SCN8A: variants seen among roughly 807,000 people sequenced by gnomAD.
The protein encoded by SCN8A is sodium channel protein type 8 subunit alpha.
A neutral mutation model predicts 184.1 loss-of-function variants in SCN8A; 30 were observed. The observed-to-expected ratio is 0.16, with a 90% CI of 0.12 to 0.22. The LOEUF is 0.22. Ranked by LOEUF, SCN8A falls within the 10% of genes least tolerant of loss-of-function variation. SCN8A has a pLI of 1.00. For synonymous variants in SCN8A, 852 were observed against 907.0 expected, an observed-to-expected ratio of 0.94 and a Z score of 1.09; for missense variants, 1,057 against 2,498.9, an observed-to-expected ratio of 0.42 and a Z score of 12.30.
At chr12:51,796,467 G>A (rs2138923071) in intron 26 of SCN8A, among the ~76,000 whole-genome samples, 1 of 152,330 alleles carries the variant, frequency 6.6e-6, no homozygotes, top group Middle Eastern at 3.4e-3. Context: ...AAAAGAGGAA[G>A]ATGTTTTTGA....
chr12:51,643,288 A>G (rs1361068324), intron 1 of SCN8A, among the ~76,000 whole-genome samples: 1 of 152,160 alleles, frequency 6.6e-6, no homozygotes, highest in Non-Finnish European at 1.5e-5. Context: ...GATCCTAGGA[A>G]TTCCTGTATT....
At chr12:51,792,692 A>C (rs146121027) in intron 25 of SCN8A, among the ~76,000 whole-genome samples, 32 of 152,170 alleles carry the variant, frequency 2.1e-4, no homozygotes, top group Non-Finnish European at 3.8e-4. Flanking sequence ...TTGCAAGCCC[A>C]GTGGGAAGCT....
At chr12:51,624,863 A>C (rs923295414) in intron 1 of SCN8A, among the ~76,000 whole-genome samples, 7 of 152,182 alleles carry the variant, frequency 4.6e-5, no homozygotes, top group African/African-American at 1.4e-4. Context: ...CGTTTATTAA[A>C]TAGGGAATCC....
At chr12:51,775,628 GACAGAA>G (rs1937668451) in intron 20 of SCN8A, among the ~76,000 whole-genome samples, 1 of 152,218 alleles carries the variant, frequency 6.6e-6, no homozygotes, top group Admixed American at 6.5e-5. Context: ...ACCCCCCACA[GACAGAA>G]AGCTGGAGCT....
intron 19 of SCN8A, among the ~76,000 whole-genome samples, chr12:51,773,326 C>G (rs1226743132): frequency 1.3e-5 from 2 of 152,194 alleles, no homozygotes; most frequent in African/African-American, 4.8e-5. Context: ...GTATAGTCCA[C>G]CACTCTGCAG....
At chr12:51,699,893 G>A (rs901941803) in intron 7 of SCN8A, 102 bp downstream of exon 7, 43 of 965,984 alleles carry the variant, frequency 4.5e-5, no homozygotes, top group Admixed American at 3.8e-4. Flanking sequence ...GAGGCCGGGC[G>A]CGGTGGCTCA....
chr12:51,711,587 C>G (rs1348860063), intron 11 of SCN8A, among the ~76,000 whole-genome samples: 1 of 152,212 alleles, frequency 6.6e-6, no homozygotes, highest in Non-Finnish European at 1.5e-5. Flanking sequence ...CTAACCACCC[C>G]TTCTTTATTC....
At chr12:51,720,209 T>C (rs1942030257) in intron 11 of SCN8A, among the ~76,000 whole-genome samples, 1 of 151,192 alleles carries the variant, frequency 6.6e-6, no homozygotes, top group African/African-American at 2.4e-5. Flanking sequence ...TTATATACTT[T>C]ACAACTATGT....
chr12:51,623,433 TC>T (rs1215201490), intron 1 of SCN8A, among the ~76,000 whole-genome samples: 1 of 152,172 alleles, frequency 6.6e-6, no homozygotes, highest in Non-Finnish European at 1.5e-5. Context: ...GAAACCTGCC[TC>T]TCATCATCCA....
chr12:51,605,385 T>C (rs1193556136), intron 1 of SCN8A, among the ~76,000 whole-genome samples: 2 of 152,238 alleles, frequency 1.3e-5, no homozygotes, highest in Non-Finnish European at 2.9e-5. Context: ...CTTAGAATAA[T>C]AGTCTCCAAT....
intron 26 of SCN8A, among the ~76,000 whole-genome samples, chr12:51,804,474 G>A (rs1269094260): frequency 1.4e-5 from 2 of 147,542 alleles, no homozygotes; most frequent in East Asian, 2.0e-4. Context: ...ATGCGCCACC[G>A]CGCCCAGCTA....
At chr12:51,776,249 G>A (rs371340962) in intron 20 of SCN8A, among the ~76,000 whole-genome samples, 9 of 152,200 alleles carry the variant, frequency 5.9e-5, no homozygotes, top group Admixed American at 2.6e-4. Context: ...TTATAGACAT[G>A]AGCCACTGTG....
rs941908506 is a variant in SCN8A at position 51,671,000 on chromosome 12, C to T, written c.276+7907C>T. 7.2e-5 allele frequency among the ~76,000 whole-genome samples: 11 copies of T among 152,030 alleles called. No homozygotes were observed. The South Asian group carries it at 1.2e-3, about 17-fold the overall frequency. On this transcript the variant is annotated intron_variant, in intron 2 of 26. Coordinates refer to ENST00000627620, the MANE Select transcript of SCN8A (RefSeq NM_001330260.2). ...AATAAAATTATTACTGATAATGATACGTGCATTAATGAAGATAACATGTTC... is the reference window on the plus strand; with the variant it reads ...AATAAAATTATTACTGATAATGATATGTGCATTAATGAAGATAACATGTTC...
At chr12:51,652,136 C>T (rs1021079176) in intron 1 of SCN8A, among the ~76,000 whole-genome samples, 3 of 152,102 alleles carry the variant, frequency 2.0e-5, no homozygotes, top group Non-Finnish European at 2.9e-5. Context: ...CAAAAGTAGT[C>T]GTCATCTTAA....
intron 20 of SCN8A, chr12:51,780,264 G>A (rs753433499): frequency 6.6e-6 from 3 of 456,100 alleles, no homozygotes; most frequent in South Asian, 4.7e-5. Context: ...AGACTGTAAA[G>A]GGCGAGGGTA....
chr12:51,774,128 T>A (rs1476012576), intron 19 of SCN8A, 61 bp from the exon 20 acceptor site: 1 of 1,527,396 alleles, frequency 6.5e-7, no homozygotes, highest in Non-Finnish European at 9.0e-7. Flanking sequence ...AGGATAGCAG[T>A]GCTCCCTGTG....
intron 1 of SCN8A, among the ~76,000 whole-genome samples, chr12:51,628,006 G>A (rs1940117801): frequency 6.6e-6 from 1 of 152,234 alleles, no homozygotes. Flanking sequence ...ATATATGCAA[G>A]TGAATGAGAA....
In SCN8A at chr12:51,662,948, A is replaced by G; in HGVS notation, c.131A>G (p.His44Arg). Residue 44 changes from histidine (H) to arginine (R), a missense_variant, in exon 2 of 27, where the codon CAT becomes CGT. Physicochemically the swap from His to Arg is conservative, Grantham distance 29. Around this residue, in one of 19 missense-constraint regions of SCN8A, gnomAD observed 45 missense variants for 71.3 expected, o/e 0.63. Transcript: ENST00000627620. ...AAACCACCAAAGGCCGATGGCAGTC[A>G]TCGGGAGGACGATGAGGACAGCAAG... ...LKKPPKADGS[H>R]REDDEDSKPK... 6.2e-7 allele frequency: 1 copy of G among 1,614,064 alleles called. No individual in the cohort carries two copies. The highest frequency in any genetic ancestry group is 8.5e-7 in the Non-Finnish European group (1 of 1,179,902).
chr12:51,731,306 C>T (rs952023609), intron 12 of SCN8A, among the ~76,000 whole-genome samples: 44 of 152,046 alleles, frequency 2.9e-4, no homozygotes, highest in African/African-American at 8.9e-4. Flanking sequence ...GGCACAATCT[C>T]GGCTCACTGC....
Sources: gnomAD v4.1 joint callset for allele counts (sites outside exome capture counted in the v4.1 genomes callset) on GRCh38, gnomAD v4.1.1 for gene constraint, gnomAD v4.1.1 regional missense constraint, MANE v1.5 for transcripts, NCBI Gene and HGNC (gene_info 2026-07-23, HGNC 2026-07-21) for gene names.